The following APP variants were observed in gnomAD, a reference collection of about 807,000 sequenced individuals.
APP encodes amyloid-beta precursor protein.
In APP, 31 loss-of-function variants were observed where a neutral mutation model predicts 101.4. The ratio of observed to expected loss-of-function variants is 0.31; its 90% CI spans 0.23 to 0.41. The LOEUF is 0.41. APP is among the 10% of genes least tolerant of loss of function. The probability of loss-of-function intolerance (pLI) is 1.00; values close to 1 mark genes in which losing one functional copy is unlikely to be tolerated. For synonymous variants in APP, 366 were observed against 364.4 expected (o/e 1.00, Z -0.05); for missense variants, 839 against 1,003.7 (o/e 0.84, Z 2.22).
At chr21:25,975,003 C>T (rs2042170778) in intron 11 of APP, 67 bp downstream of exon 11, 16 of 1,603,728 alleles carry the variant, frequency 1.0e-5, no homozygotes, top group Non-Finnish European at 1.4e-5. Flanking sequence ...GCTTCCAGTT[C>T]CCAGTGCCCC....
At chr21:26,006,745 A>G (rs1228862174) in intron 6 of APP, among the ~76,000 whole-genome samples, 1 of 152,340 alleles carries the variant, frequency 6.6e-6, no homozygotes, top group East Asian at 1.9e-4. Flanking sequence ...ACTGGCAACC[A>G]GAATGGGGAG....
intron 13 of APP, among the ~76,000 whole-genome samples, chr21:25,932,457 C>T (rs1272060499): frequency 2.0e-5 from 3 of 152,146 alleles, no homozygotes; most frequent in Admixed American, 2.0e-4. Context: ...GAATGGATAA[C>T]CTGTTTTCCC....
At chr21:25,950,653 TG>T (rs2041035276) in intron 13 of APP, among the ~76,000 whole-genome samples, 2 of 152,078 alleles carry the variant, frequency 1.3e-5, no homozygotes, top group East Asian at 1.9e-4. Flanking sequence ...CTGTTTTTTT[TG>T]TTTTGTCTTT....
intron 5 of APP, among the ~76,000 whole-genome samples, chr21:26,034,814 C>T (rs1309911888): frequency 6.6e-6 from 1 of 152,088 alleles, no homozygotes; most frequent in Non-Finnish European, 1.5e-5. Flanking sequence ...TGGCATTCTG[C>T]TGGATCCGAG....
Position 26,099,805 on chromosome 21 carries a change from C to T in APP, c.226-9733G>A, listed in dbSNP as rs73360979. The stretch of plus-strand genomic sequence containing the variant: ...GAGAGGCAGCGTGCAGCTGATGAAA[C>T]GCTACTGCAATAATGGGAGGTATCA... On this transcript the variant is annotated intron_variant, in intron 2 of 17. Transcript: ENST00000346798. Among the ~76,000 whole-genome samples, 763 of 152,282 alleles carry T rather than the reference C, an allele frequency of 5.0e-3. 8 individuals are homozygous for T. Among genetic ancestry groups the T allele is most frequent in the African/African-American group, 0.018 (728 of 41,560 alleles).
At chr21:25,909,806 T>G (rs953020344) in intron 14 of APP, among the ~76,000 whole-genome samples, 1 of 152,194 alleles carries the variant, frequency 6.6e-6, no homozygotes, top group African/African-American at 2.4e-5. Context: ...CTCAATACAT[T>G]TAACAGGACA....
chr21:25,886,487 G>A (rs1015137306), intron 17 of APP, among the ~76,000 whole-genome samples: 12 of 151,856 alleles, frequency 7.9e-5, no homozygotes, highest in African/African-American at 1.9e-4. Flanking sequence ...TCCATCTCCT[G>A]GGTTCAAGCG....
intron 3 of APP, among the ~76,000 whole-genome samples, chr21:26,057,692 A>C (rs1199980035): frequency 6.6e-6 from 1 of 152,164 alleles, no homozygotes; most frequent in African/African-American, 2.4e-5. Flanking sequence ...GGAGGAAAAG[A>C]GCTCAGGTCA....
At chr21:25,886,780 C>A (rs985204468) in intron 17 of APP, among the ~76,000 whole-genome samples, 2 of 152,058 alleles carry the variant, frequency 1.3e-5, no homozygotes, top group African/African-American at 4.8e-5. Flanking sequence ...CTGCACCCCC[C>A]CTCACTTTTC....
chr21:25,891,518 T>C (rs896851125), intron 17 of APP, among the ~76,000 whole-genome samples: 4 of 152,266 alleles, frequency 2.6e-5, no homozygotes, highest in African/African-American at 7.2e-5. Context: ...CAACACACAC[T>C]CTCAATACCT....
At chr21:26,133,490 T>TC in intron 1 of APP, among the ~76,000 whole-genome samples, 1 of 151,892 alleles carries the variant, frequency 6.6e-6, no homozygotes, top group East Asian at 2.0e-4. Context: ...GTTAACTGAT[T>TC]AACAACTAGA....
chr21:26,141,827 T>C (rs2063052390), intron 1 of APP, among the ~76,000 whole-genome samples: 1 of 152,216 alleles, frequency 6.6e-6, no homozygotes, highest in African/African-American at 2.4e-5. Context: ...CAACAGTTAT[T>C]ACATCAAGGG....
chr21:26,170,622 G>A lies in APP; in HGVS notation c.-2C>T. ...GAGCAGTGCCAAACCGGGCAGCATC[G>A]CGACCCTGCGCGGGGCACCGAGTGC... On this transcript the variant is annotated 5_prime_UTR_variant, in exon 1 of 18. Coordinates refer to ENST00000346798, the MANE Select transcript of APP (RefSeq NM_000484.4). 1.3e-6 allele frequency: 2 copies of A among 1,534,666 alleles called. No individual in the cohort carries two copies. Among genetic ancestry groups the A allele is most frequent in the Non-Finnish European group, 1.7e-6 (2 of 1,145,090 alleles).
chr21:26,118,985 C>T (rs1034456194), intron 1 of APP, among the ~76,000 whole-genome samples: 2 of 152,130 alleles, frequency 1.3e-5, no homozygotes, highest in Admixed American at 1.3e-4. Context: ...ACCTTGTGAA[C>T]ATGCAGATAG....
chr21:26,145,611 C>T (rs948130303), intron 1 of APP, among the ~76,000 whole-genome samples: 4 of 152,054 alleles, frequency 2.6e-5, no homozygotes, highest in Non-Finnish European at 4.4e-5. Flanking sequence ...AAAGTATCTG[C>T]GTACAGTTAA....
intron 1 of APP, among the ~76,000 whole-genome samples, chr21:26,132,736 C>A (rs767412992): frequency 2.0e-5 from 3 of 152,124 alleles, no homozygotes; most frequent in Non-Finnish European, 4.4e-5. Flanking sequence ...ATTAAAAAAT[C>A]AGTAAATTAT....
In APP at chr21:25,975,632, A is replaced by C. The variant is rs549117952; in HGVS notation, c.1299+322T>G. 8.5e-4 allele frequency among the ~76,000 whole-genome samples: 129 copies of C among 152,326 alleles called. 1 individual carries two copies. Among genetic ancestry groups the C allele is most frequent in the African/African-American group, 2.9e-3 (119 of 41,578 alleles). On this transcript the variant is annotated intron_variant, in intron 10 of 17. Coordinates refer to ENST00000346798, the MANE Select transcript of APP (RefSeq NM_000484.4). ...TAATTTTGAGACTGGTTTCCATCAA[A>C]AATTCAAATTCTCATAATTTTTGCT... is the stretch of plus-strand genomic sequence containing the variant.
intron 1 of APP, among the ~76,000 whole-genome samples, chr21:26,161,931 TAAA>T (rs1317398995): frequency 6.6e-6 from 1 of 152,016 alleles, no homozygotes; most frequent in Non-Finnish European, 1.5e-5. Context: ...TTTTGAAAGA[TAAA>T]AAAATCAATA....
chr21:26,019,134 A>T (rs1232910093), intron 6 of APP, among the ~76,000 whole-genome samples: 3 of 152,194 alleles, frequency 2.0e-5, no homozygotes, highest in Admixed American at 6.5e-5. Flanking sequence ...ATCAAAACAA[A>T]ATCTCTTTAT....
Sources: gnomAD v4.1 joint callset for allele counts (sites outside exome capture counted in the v4.1 genomes callset) on GRCh38, gnomAD v4.1.1 for gene constraint, MANE v1.5 for transcripts, NCBI Gene and HGNC (gene_info 2026-07-23, HGNC 2026-07-21) for gene names.